MAST1: variants seen among roughly 807,000 people sequenced by gnomAD.
MAST1 encodes microtubule-associated serine/threonine-protein kinase 1.
Under a neutral mutation model 124.6 loss-of-function variants are expected in MAST1, and 40 were observed. The observed-to-expected ratio is 0.32, with a 90% CI of 0.25 to 0.42. MAST1 has a LOEUF of 0.42. Among genes scored for constraint, MAST1 ranks in the 10% least tolerant of loss-of-function variants. The pLI, the probability that MAST1 is intolerant of heterozygous loss-of-function variation, is 1.00. For synonymous variants in MAST1, 938 were observed against 939.4 expected (o/e 1.00, Z 0.03); for missense variants, 1,558 against 2,181.9 (o/e 0.71, Z 5.70).
rs955927589 is a variant in MAST1, at chr19:12,841,934, G to A, written c.248+868G>A. On this transcript the variant is annotated intron_variant, in intron 3 of 25. Coordinates refer to ENST00000251472, the MANE Select transcript of MAST1 (RefSeq NM_014975.3). The surrounding 1 kb of genome is among the most constrained non-coding windows in gnomAD (Gnocchi z 4.3). ...AAGGCTCTGGGATAGGGTCTCACAT[G>A]TTTATCCGCAAGCGGGGAGGACTGA... Among the ~76,000 whole-genome samples, 2 of 152,182 alleles carry A rather than the reference G, an allele frequency of 1.3e-5. No homozygotes were observed. The highest frequency in any genetic ancestry group is 3.2e-3 in the Middle Eastern group (1 of 316).
chr19:12,870,926 G>T lies in MAST1; in HGVS notation c.3106G>T (p.Val1036Phe). 1 of 1,614,056 alleles carries T rather than the reference G, an allele frequency of 6.2e-7. No homozygotes were observed. Among genetic ancestry groups the T allele is most frequent in the African/African-American group, 1.3e-5 (1 of 75,014 alleles). ...EPVHGMVHPE[V>F]VELILKSGNK... ...TGTGCATGGCATGGTGCATCCTGAGGTCGTGGAGCTGATCCTTAAGGTGAG... is the reference window on the plus strand; with the variant it reads ...TGTGCATGGCATGGTGCATCCTGAGTTCGTGGAGCTGATCCTTAAGGTGAG... The change falls in exon 23 of 26, where the codon GTC becomes TTC. Residue 1036 changes from valine to phenylalanine, a missense_variant. By Grantham distance (50) the Val-to-Phe change is conservative. Coordinates refer to ENST00000251472, the MANE Select transcript of MAST1 (RefSeq NM_014975.3).
chr19:12,865,277 C>T lies in MAST1; in HGVS notation c.1639-39C>T. The T allele has an allele frequency of 6.3e-7, 1 of 1,578,310 alleles. No homozygotes were observed. The highest frequency in any genetic ancestry group is 8.6e-7 in the Non-Finnish European group (1 of 1,161,772). ...GGGGCACAGCTCTCCCTTGAGGGCC[C>T]TCCTCTGGCTGGGGCGTGGGCTGAC... On this transcript the variant is annotated intron_variant, in intron 14 of 25. Transcript: ENST00000251472. The surrounding 1 kb of genome is among the most constrained non-coding windows in gnomAD (Gnocchi z 7.1).
chr19:12,873,262 G>A, intron 24 of MAST1, 62 bp from the exon 25 acceptor site: 1 of 1,534,362 alleles, frequency 6.5e-7, no homozygotes, highest in East Asian at 2.3e-5. Flanking sequence ...GCCGTGAAAT[G>A]GGAGGAGCCC....
intron 12 of MAST1, among the ~76,000 whole-genome samples, chr19:12,863,186 A>T (rs919636777): frequency 6.6e-6 from 1 of 151,376 alleles, no homozygotes; most frequent in Non-Finnish European, 1.5e-5. Context: ...AAAAAAGAGA[A>T]AAAGAAAAAA....
At position 12,847,268 on chromosome 19, in the gene MAST1, C is replaced by T; in HGVS notation, c.328-22C>T. ...TGGGGGGCCCATGGTGGCTCTGACC[C>T]CGGCCCTGCCCCTGTCCCCAGTCCT... On this transcript the variant is annotated intron_variant, in intron 4 of 25. Coordinates refer to ENST00000251472, the MANE Select transcript of MAST1 (RefSeq NM_014975.3). This position sits in a 1 kb window ranked among gnomAD's most constrained non-coding sequence, Gnocchi z 5.5. 6.3e-7 allele frequency: 1 copy of T among 1,582,754 alleles called. No homozygotes were observed. Among genetic ancestry groups the T allele is most frequent in the South Asian group, 1.1e-5 (1 of 90,038 alleles).
chr19:12,854,378 C>T (rs112690127), intron 10 of MAST1, among the ~76,000 whole-genome samples: 4,639 of 152,236 alleles, frequency 0.03, 140 homozygotes, highest in Middle Eastern at 0.078. Context: ...CTGCCTTGGC[C>T]TCCCAAAGTG....
intron 1 of MAST1, among the ~76,000 whole-genome samples, chr19:12,840,113 G>T (rs1363403992): frequency 6.6e-6 from 1 of 152,168 alleles, no homozygotes; most frequent in Non-Finnish European, 1.5e-5. Context: ...ACCACACGTG[G>T]ATACCTACAG....
intron 22 of MAST1, among the ~76,000 whole-genome samples, chr19:12,869,779 G>A (rs1970208299): frequency 6.6e-6 from 1 of 151,882 alleles, no homozygotes. Context: ...TAGGCCAGGC[G>A]CAGTGGCTCA....
At position 12,873,966 on chromosome 19, in the gene MAST1, T is replaced by C. The variant is rs1599594145; in HGVS notation, c.3809T>C (p.Leu1270Pro). 1 of 1,599,350 alleles carries C rather than the reference T, an allele frequency of 6.3e-7. No homozygotes were observed. The highest frequency in any genetic ancestry group is 2.2e-5 in the East Asian group (1 of 44,682). ...LLKRVQSAEK[L>P]GASLSADKKG... ...AAGCGCGTGCAGTCGGCCGAGAAGCTGGGAGCCTCTTTGAGTGCGGACAAG... is the reference window on the plus strand; with the variant it reads ...AAGCGCGTGCAGTCGGCCGAGAAGCCGGGAGCCTCTTTGAGTGCGGACAAG... Residue 1270 changes from leucine (L) to proline (P), a missense_variant, in exon 26 of 26, where the codon CTG becomes CCG. Physicochemically the swap from Leu to Pro is moderately conservative, Grantham distance 98. Coordinates refer to ENST00000251472, the MANE Select transcript of MAST1 (RefSeq NM_014975.3).
At chr19:12,851,725 A>G (rs1969962074) in intron 7 of MAST1, among the ~76,000 whole-genome samples, 1 of 152,080 alleles carries the variant, frequency 6.6e-6, no homozygotes, top group Non-Finnish European at 1.5e-5. Context: ...ACCTCAAGTG[A>G]TCCACCCACC....
intron 7 of MAST1, 82 bp downstream of exon 7, chr19:12,848,139 T>G: frequency 1.6e-6 from 2 of 1,278,536 alleles, no homozygotes; most frequent in Non-Finnish European, 2.2e-6. Context: ...TCACCCCACA[T>G]ACATTCAGGG....
chr19:12,869,156 G>C lies in MAST1; in HGVS notation c.2864G>C (p.Arg955Pro), dbSNP rs544990322. Residue 955 changes from arginine to proline, a missense_variant, in exon 22 of 26, where the codon CGG becomes CCG. By Grantham distance (103) the Arg-to-Pro change is moderately radical. This residue lies in a region of MAST1 where 291 missense variants were observed against 475.8 expected (regional missense o/e 0.61). Transcript: ENST00000251472. ...TCCTCACGGGACTCCTCACCCAGCC[G>C]GGACTACTCACCAGCTGTCAGTGGG... ...NPSSRDSSPSRDYSPAVSGLR... is the reference protein window; with the variant it reads ...NPSSRDSSPSPDYSPAVSGLR... 4 of 1,614,130 alleles carry C rather than the reference G, an allele frequency of 2.5e-6. No homozygotes were observed. The highest frequency in any genetic ancestry group is 2.5e-6 in the Non-Finnish European group (3 of 1,180,034).
chr19:12,851,461 A>G (rs532901048), intron 7 of MAST1, among the ~76,000 whole-genome samples: 55 of 135,544 alleles, frequency 4.1e-4, no homozygotes, highest in African/African-American at 1.6e-3. Flanking sequence ...GGGTCTCGCT[A>G]TGGTTTTGTT....
chr19:12,849,621 G>A (rs920001885), intron 7 of MAST1, among the ~76,000 whole-genome samples: 1 of 151,562 alleles, frequency 6.6e-6, no homozygotes, highest in African/African-American at 2.4e-5. Flanking sequence ...CCGAGGTTGC[G>A]CCACTGCACT....
At chr19:12,858,787 G>A in intron 12 of MAST1, 48 bp downstream of exon 12, 1 of 1,603,412 alleles carries the variant, frequency 6.2e-7, no homozygotes, top group Non-Finnish European at 8.5e-7. Flanking sequence ...GTGCTCACTG[G>A]TCAGGGCTGC....
rs1599580991 is a variant in MAST1 at position 12,852,046 on chromosome 19, T to G, written c.876+11T>G. ...CTGCTGGAGTGCCTGGTGAGGGGGC[T>G]GGGCATGGGTAGGGGTGGGTTGGTA... On this transcript the variant is annotated intron_variant, in intron 8 of 25. Transcript: ENST00000251472. 1.2e-6 allele frequency: 2 copies of G among 1,613,866 alleles called. No individual in the cohort carries two copies. The highest frequency in any genetic ancestry group is 1.7e-6 in the Non-Finnish European group (2 of 1,179,934).
intron 2 of MAST1, among the ~76,000 whole-genome samples, chr19:12,840,789 A>G (rs1568406106): frequency 6.7e-6 from 1 of 149,134 alleles, no homozygotes; most frequent in Non-Finnish European, 1.5e-5. Context: ...GGGCGGGGCC[A>G]TCCCAGATGA....
At chr19:12,861,823 C>A (rs1970087466) in intron 12 of MAST1, among the ~76,000 whole-genome samples, 1 of 151,716 alleles carries the variant, frequency 6.6e-6, no homozygotes, top group Admixed American at 6.6e-5. Context: ...CTGCCTCAAC[C>A]TCCTGAGTAG....
intron 1 of MAST1, among the ~76,000 whole-genome samples, chr19:12,839,569 C>T (rs1245637864): frequency 6.6e-6 from 1 of 152,182 alleles, no homozygotes; most frequent in Non-Finnish European, 1.5e-5. Context: ...CATTGCAAGA[C>T]TCACCTAGAG....
Sources: allele counts gnomAD v4.1 joint callset (sites outside exome capture counted in the v4.1 genomes callset), GRCh38; gene constraint gnomAD v4.1.1; regional missense constraint gnomAD v4.1.1; non-coding constraint Gnocchi (gnomAD v3.1); transcripts MANE v1.5; gene names NCBI Gene and HGNC (gene_info 2026-07-23, HGNC 2026-07-21).